XKR6: variants seen among roughly 807,000 people sequenced by gnomAD.
XKR6 encodes the protein XK-related protein 6.
A neutral mutation model predicts 56.7 loss-of-function variants in XKR6; 22 were observed. The observed-to-expected ratio is 0.39, with a 90% CI of 0.28 to 0.55. The LOEUF (loss-of-function observed/expected upper bound fraction) is 0.55. Among genes scored for constraint, XKR6 ranks in the 20% least tolerant of loss-of-function variants. The pLI, the probability that XKR6 is intolerant of heterozygous loss-of-function variation, is 0.66. For synonymous variants in XKR6, 524 were observed against 387.8 expected, an observed-to-expected ratio of 1.35 and a Z score of -4.13; for missense variants, 852 against 889.0, an observed-to-expected ratio of 0.96 and a Z score of 0.53.
intron 1 of XKR6, among the ~76,000 whole-genome samples, chr8:10,999,319 G>A (rs1202918254): frequency 2.0e-5 from 3 of 152,190 alleles, no homozygotes; most frequent in Non-Finnish European, 4.4e-5. Flanking sequence ...ATTCTATTCT[G>A]TTGGCTAAGG....
chr8:10,922,164 T>C (rs527651686), intron 2 of XKR6, among the ~76,000 whole-genome samples: 1 of 152,336 alleles, frequency 6.6e-6, no homozygotes, highest in African/African-American at 2.4e-5. Flanking sequence ...TCTTTATAAA[T>C]TATTCACTCT....
chr8:11,054,212 C>G (rs935681833), intron 1 of XKR6, among the ~76,000 whole-genome samples: 10 of 152,200 alleles, frequency 6.6e-5, no homozygotes, highest in Non-Finnish European at 1.5e-4. Flanking sequence ...ATCCCCCTCC[C>G]TCTTCTGGAC....
chr8:11,128,524 A>T (rs1385819802), intron 1 of XKR6, among the ~76,000 whole-genome samples: 1 of 152,200 alleles, frequency 6.6e-6, no homozygotes, highest in Non-Finnish European at 1.5e-5. Flanking sequence ...CTAGTAGTAC[A>T]TCTCATTAAG....
At chr8:10,969,844 G>C (rs1802348236) in intron 1 of XKR6, among the ~76,000 whole-genome samples, 1 of 152,240 alleles carries the variant, frequency 6.6e-6, no homozygotes, top group Non-Finnish European at 1.5e-5. Context: ...TCACCTGCCT[G>C]GGGTGGTTTA....
intron 2 of XKR6, among the ~76,000 whole-genome samples, chr8:10,899,328 C>G (rs1434150880): frequency 6.6e-6 from 1 of 152,262 alleles, no homozygotes; most frequent in African/African-American, 2.4e-5. Flanking sequence ...GAGAAGCCCA[C>G]AGGAGGAATC....
intron 1 of XKR6, among the ~76,000 whole-genome samples, chr8:10,998,072 G>A (rs1037140695): frequency 5.3e-5 from 8 of 152,030 alleles, no homozygotes; most frequent in Non-Finnish European, 1.2e-4. Flanking sequence ...AGGACAACAG[G>A]GGATTGGGGG....
At chr8:10,913,556 TG>T (rs1800470877) in intron 2 of XKR6, among the ~76,000 whole-genome samples, 1 of 152,138 alleles carries the variant, frequency 6.6e-6, no homozygotes, top group African/African-American at 2.4e-5. Context: ...CAAGAGCAGA[TG>T]TCATCACTTC....
intron 1 of XKR6, among the ~76,000 whole-genome samples, chr8:11,195,983 C>G (rs1219810422): frequency 6.6e-6 from 1 of 150,410 alleles, no homozygotes; most frequent in Admixed American, 6.6e-5. Flanking sequence ...GCTATTTTTA[C>G]AATTAGATTG....
intron 1 of XKR6, among the ~76,000 whole-genome samples, chr8:10,942,755 C>A (rs1430786819): frequency 6.6e-6 from 1 of 152,252 alleles, no homozygotes; most frequent in Non-Finnish European, 1.5e-5. Flanking sequence ...CCAATCACCC[C>A]TGCCTTCCCT....
At chr8:11,142,370 G>C (rs762361662) in intron 1 of XKR6, among the ~76,000 whole-genome samples, 1 of 152,188 alleles carries the variant, frequency 6.6e-6, no homozygotes, top group African/African-American at 2.4e-5. Context: ...AAGGACTCAG[G>C]AGTCAATTTA....
chr8:11,163,651 C>A (rs1251485855), intron 1 of XKR6, among the ~76,000 whole-genome samples: 1 of 152,226 alleles, frequency 6.6e-6, no homozygotes, highest in Non-Finnish European at 1.5e-5. Flanking sequence ...GAACGCATTG[C>A]TTTGTTGTTT....
At chr8:11,165,584 A>C (rs1802034235) in intron 1 of XKR6, among the ~76,000 whole-genome samples, 1 of 152,104 alleles carries the variant, frequency 6.6e-6, no homozygotes, top group Non-Finnish European at 1.5e-5. Context: ...CATAATTATA[A>C]TTTACTAGCA....
intron 2 of XKR6, among the ~76,000 whole-genome samples, chr8:10,918,687 C>T (rs1032396282): frequency 8.5e-5 from 13 of 152,190 alleles, no homozygotes; most frequent in East Asian, 3.8e-4. Flanking sequence ...GCAGAACCAT[C>T]GGAGAATCCC....
intron 1 of XKR6, among the ~76,000 whole-genome samples, chr8:11,038,264 A>C (rs571905718): frequency 9.2e-5 from 14 of 152,156 alleles, no homozygotes; most frequent in African/African-American, 1.2e-4. Flanking sequence ...TTTGAGAAAA[A>C]AGTGTCTCTG....
At chr8:11,138,881 A>G (rs920036827) in intron 1 of XKR6, among the ~76,000 whole-genome samples, 3 of 151,960 alleles carry the variant, frequency 2.0e-5, no homozygotes, top group Non-Finnish European at 4.4e-5. Context: ...AAGCCAGAAT[A>G]TTTTTACAAT....
intron 1 of XKR6, among the ~76,000 whole-genome samples, chr8:11,155,560 C>T (rs765939119): frequency 2.0e-5 from 3 of 152,206 alleles, no homozygotes; most frequent in Non-Finnish European, 4.4e-5. Flanking sequence ...TATAGCTTTA[C>T]TCTTCCTTCA....
At chr8:10,970,277 G>T (rs754181569) in intron 1 of XKR6, among the ~76,000 whole-genome samples, 3 of 152,216 alleles carry the variant, frequency 2.0e-5, no homozygotes, top group African/African-American at 4.8e-5. Flanking sequence ...TGGCAGAGTG[G>T]TGGCCTAGGG....
rs202038745 is a variant in XKR6 at position 10,992,272 on chromosome 8, GTC to G, written c.765-67444_765-67443del. On this transcript the variant is annotated intron_variant, in intron 1 of 2. Coordinates refer to ENST00000416569, the MANE Select transcript of XKR6 (RefSeq NM_173683.4). ...ACTAACTCTCTCTCTCTGTCTCTCT[GTC>G]TCTCTCTCTCTCTCACACACACACA... Among the ~76,000 whole-genome samples, 745 of 144,128 alleles carry G rather than the reference GTC, an allele frequency of 5.2e-3. 2 individuals are homozygous for G. The highest frequency in any genetic ancestry group is 0.021 in the African/African-American group (713 of 34,568). The allele number at this position is 144,128 out of a possible 152,430, so 94.6% of individuals were successfully genotyped here. A position where few individuals can be genotyped will look rare whatever the true frequency, so the allele number is the denominator to read the frequency against.
chr8:10,920,409 C>T (rs1323340771), intron 2 of XKR6, among the ~76,000 whole-genome samples: 2 of 152,196 alleles, frequency 1.3e-5, no homozygotes, highest in Non-Finnish European at 2.9e-5. Context: ...GAGGAACAGA[C>T]ATGCTCAGTA....
Sources: allele counts gnomAD v4.1 joint callset (sites outside exome capture counted in the v4.1 genomes callset), GRCh38; gene constraint gnomAD v4.1.1; transcripts MANE v1.5; gene names NCBI Gene and HGNC (gene_info 2026-07-23, HGNC 2026-07-21).